The following ST6GALNAC3 variants were observed in gnomAD, a reference collection of about 807,000 sequenced individuals.
ST6GALNAC3 encodes ST6 N-acetylgalactosaminide alpha-2,6-sialyltransferase 3, also known as alpha-N-acetylgalactosaminide alpha-2,6-sialyltransferase 3.
ST6GALNAC3 carries 25 observed loss-of-function variants against 32.7 expected under a neutral mutation model. The observed-to-expected ratio is 0.76, with a 90% CI of 0.56 to 1.07. ST6GALNAC3 has a LOEUF of 1.07. ST6GALNAC3 is among the 50% of genes least tolerant of loss of function. The probability of loss-of-function intolerance (pLI) is 0.00; values close to 1 mark genes in which losing one functional copy is unlikely to be tolerated. For missense variants in ST6GALNAC3, 355 were observed against 382.4 expected (o/e 0.93, Z 0.60); for synonymous variants, 129 against 133.1 (o/e 0.97, Z 0.21).
At chr1:76,447,915 G>A (rs1013879480) in intron 3 of ST6GALNAC3, among the ~76,000 whole-genome samples, 1 of 152,156 alleles carries the variant, frequency 6.6e-6, no homozygotes, top group Non-Finnish European at 1.5e-5. Flanking sequence ...ACAATGTGGG[G>A]TCAGAGCCCC....
chr1:76,249,545 C>T lies in ST6GALNAC3; in HGVS notation c.19-64260C>T, dbSNP rs144460765. 3.3e-3 allele frequency among the ~76,000 whole-genome samples: 505 copies of T among 152,012 alleles called. 6 individuals are homozygous for T. Among genetic ancestry groups the T allele is most frequent in the African/African-American group, 0.011 (473 of 41,458 alleles). On this transcript the variant is annotated intron_variant, in intron 1 of 4. Transcript: ENST00000328299. ...TTTTTCTACTTATCAGTTATAGCCGCTTTTAGGATGTCATTAATAATGTTG... is the reference window on the plus strand; with the variant it reads ...TTTTTCTACTTATCAGTTATAGCCGTTTTTAGGATGTCATTAATAATGTTG...
At chr1:76,356,066 C>T (rs1557817370) in intron 2 of ST6GALNAC3, among the ~76,000 whole-genome samples, 4 of 152,056 alleles carry the variant, frequency 2.6e-5, no homozygotes. Flanking sequence ...TGTCCCAAAC[C>T]TCCTTCTTGG....
At chr1:76,583,012 T>G (rs1185223075) in intron 3 of ST6GALNAC3, among the ~76,000 whole-genome samples, 1 of 152,218 alleles carries the variant, frequency 6.6e-6, no homozygotes, top group African/African-American at 2.4e-5. Context: ...TCAAAAGAAT[T>G]ATCTATAGAA....
intron 1 of ST6GALNAC3, among the ~76,000 whole-genome samples, chr1:76,212,926 T>C (rs1352160430): frequency 6.6e-6 from 1 of 152,204 alleles, no homozygotes; most frequent in Non-Finnish European, 1.5e-5. Context: ...AGAAAACAGC[T>C]GACACTTACA....
chr1:76,125,143 T>C (rs1179262757), intron 1 of ST6GALNAC3, among the ~76,000 whole-genome samples: 1 of 152,230 alleles, frequency 6.6e-6, no homozygotes, highest in Non-Finnish European at 1.5e-5. Context: ...ATTACATGTC[T>C]CTGGGGCAGC....
At chr1:76,188,552 A>C (rs1570369622) in intron 1 of ST6GALNAC3, among the ~76,000 whole-genome samples, 1 of 152,140 alleles carries the variant, frequency 6.6e-6, no homozygotes, top group East Asian at 1.9e-4. Context: ...TGACAAGGTA[A>C]AGTTGACCCT....
chr1:76,185,580 C>A (rs1467525289), intron 1 of ST6GALNAC3, among the ~76,000 whole-genome samples: 1 of 152,180 alleles, frequency 6.6e-6, no homozygotes, highest in East Asian at 1.9e-4. Context: ...CTCCTCACCC[C>A]TGATGCATTT....
intron 1 of ST6GALNAC3, among the ~76,000 whole-genome samples, chr1:76,208,028 C>T (rs1570437464): frequency 7.8e-6 from 1 of 127,782 alleles, no homozygotes; most frequent in African/African-American, 2.8e-5. Flanking sequence ...TCTGGCTGTT[C>T]CCACTCAAGA....
intron 2 of ST6GALNAC3, among the ~76,000 whole-genome samples, chr1:76,388,123 A>G (rs921546409): frequency 6.6e-6 from 1 of 152,142 alleles, no homozygotes; most frequent in African/African-American, 2.4e-5. Flanking sequence ...TGCAAGTAAA[A>G]AAAAAAATGT....
chr1:76,583,301 C>CA (rs1336154521), intron 3 of ST6GALNAC3, among the ~76,000 whole-genome samples: 3 of 152,106 alleles, frequency 2.0e-5, no homozygotes, highest in Admixed American at 1.3e-4. Context: ...TAATGGCCGA[C>CA]AAAATGTATG....
At chr1:76,075,993 A>G (rs543774925) in intron 1 of ST6GALNAC3, among the ~76,000 whole-genome samples, 12 of 152,346 alleles carry the variant, frequency 7.9e-5, no homozygotes, top group Middle Eastern at 3.4e-3. Flanking sequence ...TGATGAAAAT[A>G]AGAGACTAAC....
intron 1 of ST6GALNAC3, among the ~76,000 whole-genome samples, chr1:76,279,494 TG>T (rs1446963735): frequency 2.6e-5 from 4 of 151,790 alleles, no homozygotes; most frequent in African/African-American, 9.7e-5. Flanking sequence ...GCTTCGCGGG[TG>T]GGGGGAATGT....
In ST6GALNAC3 at chr1:76,468,870, G is replaced by C. The variant is rs142420059; in HGVS notation, c.623+56453G>C. On this transcript the variant is annotated intron_variant, in intron 3 of 4. Transcript: ENST00000328299. ...ATACTTATGAAGTAGAGGAAAGAAG[G>C]TAGGACATGTGAATGGAAGGAAGGA... Among the ~76,000 whole-genome samples, 354 of 152,106 alleles carry C rather than the reference G, an allele frequency of 2.3e-3. 1 individual carries two copies. Among genetic ancestry groups the C allele is most frequent in the African/African-American group, 8.1e-3 (338 of 41,544 alleles).
chr1:76,097,173 C>T (rs763086651), intron 1 of ST6GALNAC3, among the ~76,000 whole-genome samples: 1 of 152,230 alleles, frequency 6.6e-6, no homozygotes, highest in Non-Finnish European at 1.5e-5. Context: ...CCCACCTTGG[C>T]CTCCCAAAGT....
At chr1:76,400,774 C>G (rs1653350762) in intron 2 of ST6GALNAC3, among the ~76,000 whole-genome samples, 1 of 151,798 alleles carries the variant, frequency 6.6e-6, no homozygotes, top group Non-Finnish European at 1.5e-5. Flanking sequence ...ACAATTCCAG[C>G]TACTCAGCTA....
At chr1:76,371,814 A>G (rs1057314586) in intron 2 of ST6GALNAC3, among the ~76,000 whole-genome samples, 5 of 152,182 alleles carry the variant, frequency 3.3e-5, no homozygotes, top group African/African-American at 9.7e-5. Flanking sequence ...TTGTAGGTCA[A>G]CAACCTCAGT....
intron 2 of ST6GALNAC3, among the ~76,000 whole-genome samples, chr1:76,408,299 C>T (rs985678356): frequency 6.6e-6 from 1 of 152,114 alleles, no homozygotes. Flanking sequence ...CTAGGCAAAA[C>T]TATTACCCAG....
rs144246693 is a variant in ST6GALNAC3, at chr1:76,390,930, T to TTATA, written c.214-21068_214-21065dup. Among the ~76,000 whole-genome samples, 22 of 98,322 alleles carry TTATA rather than the reference T, an allele frequency of 2.2e-4. 2 individuals carry two copies. Among genetic ancestry groups the TTATA allele is most frequent in the Non-Finnish European group, 4.4e-4 (17 of 38,348 alleles). The allele number at this position is 98,322 out of a possible 152,430, so 64.5% of individuals were successfully genotyped here. A position where few individuals can be genotyped will look rare whatever the true frequency, so the allele number is the denominator to read the frequency against. On this transcript the variant is annotated intron_variant, in intron 2 of 4. Coordinates refer to ENST00000328299, the MANE Select transcript of ST6GALNAC3 (RefSeq NM_152996.4). ...ATTTTACCTCCAATTATTAAAATGC[T>TTATA]TATATATATATATGTATTTTTTTTT... is the stretch of plus-strand genomic sequence containing the variant.
At chr1:76,529,786 G>T (rs1270305620) in intron 3 of ST6GALNAC3, among the ~76,000 whole-genome samples, 1 of 152,106 alleles carries the variant, frequency 6.6e-6, no homozygotes, top group Non-Finnish European at 1.5e-5. Flanking sequence ...TCCAAACTCT[G>T]GTTTAACCAC....
Sources: allele counts gnomAD v4.1 joint callset (sites outside exome capture counted in the v4.1 genomes callset), GRCh38; gene constraint gnomAD v4.1.1; transcripts MANE v1.5; gene names NCBI Gene and HGNC (gene_info 2026-07-23, HGNC 2026-07-21).